Variants in ADAMTS6 observed in about 807,000 individuals in gnomAD.
ADAMTS6 encodes A disintegrin and metalloproteinase with thrombospondin motifs 6.
In ADAMTS6, 23 loss-of-function variants were observed where a neutral mutation model predicts 144.3. The observed-to-expected ratio is 0.16, with a 90% CI of 0.11 to 0.23. The LOEUF is 0.23. Ranked by LOEUF, ADAMTS6 falls within the 10% of genes least tolerant of loss-of-function variation. The pLI, the probability that ADAMTS6 is intolerant of heterozygous loss-of-function variation, is 1.00. For missense variants in ADAMTS6, 999 were observed against 1,379.6 expected, an observed-to-expected ratio of 0.72 and a Z score of 4.37; for synonymous variants, 444 against 457.5, an observed-to-expected ratio of 0.97 and a Z score of 0.38.
intron 7 of ADAMTS6, among the ~76,000 whole-genome samples, chr5:65,449,577 C>T (rs1651653087): frequency 6.6e-6 from 1 of 151,878 alleles, no homozygotes; most frequent in Non-Finnish European, 1.5e-5. Flanking sequence ...GCCGAGATCA[C>T]GCCACTGCAC....
intron 14 of ADAMTS6, among the ~76,000 whole-genome samples, chr5:65,254,137 G>A (rs1188914594): frequency 1.3e-5 from 2 of 151,918 alleles, no homozygotes; most frequent in East Asian, 1.9e-4. Flanking sequence ...GAGCCACCAC[G>A]CCCGGCCACA....
intron 18 of ADAMTS6, among the ~76,000 whole-genome samples, chr5:65,222,337 T>A (rs570828643): frequency 6.6e-6 from 1 of 152,262 alleles, no homozygotes; most frequent in Non-Finnish European, 1.5e-5. Flanking sequence ...CTCACAAATG[T>A]GTCAGGGTAA....
intron 7 of ADAMTS6, among the ~76,000 whole-genome samples, chr5:65,372,263 C>A (rs1751027856): frequency 1.3e-5 from 2 of 150,286 alleles, no homozygotes; most frequent in South Asian, 4.2e-4. Flanking sequence ...ACAATATTAA[C>A]TTTAAATGTA....
At chr5:65,275,408 AAAGAAAGAAAAG>A (rs1304319523) in intron 11 of ADAMTS6, among the ~76,000 whole-genome samples, 86 of 136,514 alleles carry the variant, frequency 6.3e-4, no homozygotes, top group African/African-American at 1.8e-3. Context: ...AGAAAGAAAG[AAAGAAAGAAAAG>A]AAAGAAAGAA....
chr5:65,441,957 A>C (rs1414788401), intron 7 of ADAMTS6, among the ~76,000 whole-genome samples: 3 of 152,048 alleles, frequency 2.0e-5, no homozygotes, highest in Non-Finnish European at 2.9e-5. Context: ...GAATTTTCTA[A>C]CACTAAACAC....
Position 65,480,177 on chromosome 5 carries a change from GAAAA to G in ADAMTS6, c.-280+1162_-280+1165del, listed in dbSNP as rs564090786. ...CTAATCAACAGAAACTAAAAAGAAA[GAAAA>G]AAGAACAGAAAATTAGTCCACGACA... On this transcript the variant is annotated intron_variant, in intron 1 of 24. Transcript: ENST00000381055. 2.6e-3 allele frequency among the ~76,000 whole-genome samples: 388 copies of G among 152,148 alleles called. 3 individuals are homozygous for G. Among genetic ancestry groups the G allele is most frequent in the African/African-American group, 8.9e-3 (369 of 41,494 alleles).
At chr5:65,200,947 CA>C (rs1201865864) in intron 20 of ADAMTS6, among the ~76,000 whole-genome samples, 1 of 151,950 alleles carries the variant, frequency 6.6e-6, no homozygotes, top group Admixed American at 6.6e-5. Context: ...ACTTTTTGTC[CA>C]TAAGTTTAAA....
intron 11 of ADAMTS6, among the ~76,000 whole-genome samples, chr5:65,281,762 T>C (rs1763004773): frequency 6.6e-6 from 1 of 152,176 alleles, no homozygotes; most frequent in African/African-American, 2.4e-5. Flanking sequence ...GGTAATCATC[T>C]AATGTAAAAT....
At chr5:65,302,108 ATAT>A (rs1231143461) in intron 9 of ADAMTS6, among the ~76,000 whole-genome samples, 326 of 27,954 alleles carry the variant, frequency 0.012, 10 homozygotes, top group African/African-American at 0.063. Flanking sequence ...AAAAAAAAAA[ATAT>A]ATATATATAT....
intron 7 of ADAMTS6, among the ~76,000 whole-genome samples, chr5:65,447,092 C>G (rs1321793318): frequency 6.6e-6 from 1 of 152,018 alleles, no homozygotes; most frequent in Admixed American, 6.6e-5. Flanking sequence ...GGAGAGAAAG[C>G]CAAGAAATAT....
At position 65,242,140 on chromosome 5, in the gene ADAMTS6, G is replaced by T. The variant is rs756497588; in HGVS notation, c.1897C>A (p.Arg633=). Reference sequence around the variant, plus strand: ...GGTTTCCAGTTATAATACTTTCCTCGGAAAGGCATATTGTCAAAGTCTGCA... The same window carrying T: ...GGTTTCCAGTTATAATACTTTCCTCTGAAAGGCATATTGTCAAAGTCTGCA... ...QCADFDNMPF[R]GKYYNWKPYT... Residue 633 remains arginine, a synonymous_variant, in exon 15 of 25, where the codon CGA becomes AGA. Transcript: ENST00000381055. 1.2e-6 allele frequency: 2 copies of T among 1,601,214 alleles called. No individual in the cohort carries two copies. Among genetic ancestry groups the T allele is most frequent in the African/African-American group, 2.7e-5 (2 of 74,682 alleles).
At chr5:65,283,905 T>C (rs1037243179) in intron 11 of ADAMTS6, among the ~76,000 whole-genome samples, 1 of 152,120 alleles carries the variant, frequency 6.6e-6, no homozygotes, top group African/African-American at 2.4e-5. Flanking sequence ...GTAATAAGTG[T>C]TCCAAAACCA....
chr5:65,284,909 T>C (rs1763246992), intron 11 of ADAMTS6, among the ~76,000 whole-genome samples: 2 of 152,086 alleles, frequency 1.3e-5, no homozygotes, highest in African/African-American at 4.8e-5. Context: ...TCCATTCATC[T>C]CATTTCAGAG....
chr5:65,478,788 C>T (rs543762795), intron 1 of ADAMTS6, among the ~76,000 whole-genome samples: 1 of 152,294 alleles, frequency 6.6e-6, no homozygotes, highest in East Asian at 1.9e-4. Context: ...ACCAAAACGT[C>T]CATTTCACTT....
intron 9 of ADAMTS6, among the ~76,000 whole-genome samples, chr5:65,325,761 G>A (rs762168632): frequency 2.0e-5 from 3 of 151,972 alleles, no homozygotes; most frequent in Non-Finnish European, 2.9e-5. Context: ...TCAAAATGCT[G>A]GAATTACAGG....
At chr5:65,363,566 A>T (rs1204759550) in intron 7 of ADAMTS6, among the ~76,000 whole-genome samples, 1 of 152,148 alleles carries the variant, frequency 6.6e-6, no homozygotes, top group African/African-American at 2.4e-5. Context: ...TTCATTTCAG[A>T]CCAATATTTA....
chr5:65,474,890 T>C (rs1340165313), intron 1 of ADAMTS6, among the ~76,000 whole-genome samples: 3 of 150,978 alleles, frequency 2.0e-5, no homozygotes, highest in Admixed American at 6.6e-5. Flanking sequence ...GGGTCTTACA[T>C]AGTTTAACAG....
At chr5:65,442,942 T>A (rs890572917) in intron 7 of ADAMTS6, among the ~76,000 whole-genome samples, 3 of 152,234 alleles carry the variant, frequency 2.0e-5, no homozygotes, top group African/African-American at 7.2e-5. Flanking sequence ...TGGTTTTCTG[T>A]TCCTGTGTTA....
At chr5:65,342,262 TCA>T (rs1435113747) in intron 7 of ADAMTS6, among the ~76,000 whole-genome samples, 2 of 152,158 alleles carry the variant, frequency 1.3e-5, no homozygotes, top group South Asian at 2.1e-4. Context: ...TTTAATGGAC[TCA>T]CAGTTCCATG....
Sources: gnomAD v4.1 joint callset for allele counts (sites outside exome capture counted in the v4.1 genomes callset) on GRCh38, gnomAD v4.1.1 for gene constraint, MANE v1.5 for transcripts, NCBI Gene and HGNC (gene_info 2026-07-23, HGNC 2026-07-21) for gene names.